Variants in SCAND1 observed in about 807,000 individuals in gnomAD.
SCAND1 encodes the protein SCAN domain containing 1, also known as SCAN domain-containing protein 1.
SCAND1 carries 3 observed loss-of-function variants against 3.4 expected under a neutral mutation model. The ratio of observed to expected loss-of-function variants is 0.87; its 90% CI spans 0.40 to 2.25. The LOEUF is 2.25. Among genes scored for constraint, SCAND1 ranks in the 30% most tolerant of loss-of-function variants. The pLI is 0.05. For missense variants in SCAND1, 303 were observed against 258.8 expected (o/e 1.17, Z -1.17); for synonymous variants, 152 against 120.5 (o/e 1.26, Z -1.72).
At position 35,954,081 on chromosome 20, in the gene SCAND1, G is replaced by A. The variant is rs1037056922; in HGVS notation, c.204C>T (p.Ala68=). The A allele has an allele frequency of 1.0e-5, 16 of 1,536,812 alleles. No homozygotes were observed. The highest frequency in any genetic ancestry group is 2.7e-5 in the African/African-American group (2 of 72,748). ...CGAGAGGCAGCTCCAGGGCCGCGGA[G>A]GCCGCAGCTCGGGGCGTAGGGATGG... ...PEAIPTPRAA[A]SAALELPLGP... is the part of the protein sequence containing the mutation. Residue 68 remains alanine, a synonymous_variant, in exon 2 of 2, where the codon GCC becomes GCT. Transcript: ENST00000305978.
chr20:35,954,063 C>T lies in SCAND1; in HGVS notation c.222G>A (p.Leu74=), dbSNP rs780699331. 7 of 1,539,124 alleles carry T rather than the reference C, an allele frequency of 4.5e-6. No homozygotes were observed. In the African/African-American group the frequency reaches 8.2e-5, roughly 18 times the overall value. ...CGCTCACGGGTGCGGGCCCGAGAGG[C>T]AGCTCCAGGGCCGCGGAGGCCGCAG... ...PRAAASAALE[L]PLGPAPVSVA... The change falls in exon 2 of 2, where the codon CTG becomes CTA. Residue 74 remains leucine (L), a synonymous_variant. Transcript: ENST00000305978.
chr20:35,955,954 C>G (rs2056252489), upstream of SCAND1, among the ~76,000 whole-genome samples: 5 of 152,290 alleles, frequency 3.3e-5, no homozygotes, highest in South Asian at 1.0e-3. Flanking sequence ...CTCTTGACCT[C>G]AGGTGATCCA....
upstream of SCAND1, chr20:35,954,547 C>T (rs1472067595): frequency 8.0e-6 from 12 of 1,499,092 alleles, no homozygotes; most frequent in South Asian, 1.2e-5. Context: ...TGCGGGCTCC[C>T]GGAAGCGGCG....
At chr20:35,958,356 C>T (rs1246411129), upstream of SCAND1, among the ~76,000 whole-genome samples, 5 of 152,204 alleles carry the variant, frequency 3.3e-5, no homozygotes, top group South Asian at 2.1e-4. Context: ...CACTTGAACC[C>T]GGGAGGCAGA....
At position 35,954,314 on chromosome 20, in the gene SCAND1, C is replaced by T; in HGVS notation, c.-30G>A. 1.2e-6 allele frequency: 2 copies of T among 1,613,068 alleles called. No individual in the cohort carries two copies. The highest frequency in any genetic ancestry group is 1.3e-5 in the African/African-American group (1 of 75,032). On this transcript the variant is annotated 5_prime_UTR_variant, in exon 2 of 2. Coordinates refer to ENST00000305978, the MANE Select transcript of SCAND1 (RefSeq NM_033630.3). ...CCAGCTCCGGGCGTCACTCTTTGTC[C>T]GGTAGCTGTGTGCTCAGCACTGCGT...
At chr20:35,958,946 G>C (rs2056283911), upstream of SCAND1, 1 of 152,220 alleles carries the variant, frequency 6.6e-6, no homozygotes, top group Admixed American at 6.5e-5. Flanking sequence ...GTGGTTGCTT[G>C]TATCAATAGT....
At chr20:35,955,549 G>A (rs1199563949), upstream of SCAND1, among the ~76,000 whole-genome samples, 1 of 152,198 alleles carries the variant, frequency 6.6e-6, no homozygotes, top group Non-Finnish European at 1.5e-5. Flanking sequence ...TAAGCCGTTG[G>A]AGAGAAAGGG....
chr20:35,958,673 A>G (rs1460259352), upstream of SCAND1, among the ~76,000 whole-genome samples: 3 of 151,354 alleles, frequency 2.0e-5, no homozygotes, highest in African/African-American at 4.9e-5. Context: ...GGTCTATGCA[A>G]TTTTATCGTG....
In SCAND1 at chr20:35,953,907, G is replaced by A. The variant is rs764452778; in HGVS notation, c.378C>T (p.Phe126=). The change falls in exon 2 of 2, where the codon TTC becomes TTT. Residue 126 remains phenylalanine (F), a synonymous_variant. Transcript: ENST00000305978. Reference sequence around the variant, plus strand: ...GGCGGGACAGCTCCCGCAGCTGCCGGAAAGCCTCCCGGGGACCCGCCGCAT... The same window carrying A: ...GGCGGGACAGCTCCCGCAGCTGCCGAAAAGCCTCCCGGGGACCCGCCGCAT... ...YQDAAGPREA[F]RQLRELSRQW... The A allele has an allele frequency of 1.0e-5, 16 of 1,555,356 alleles. No individual in the cohort carries two copies. In the African/African-American group the frequency reaches 1.1e-4, roughly 11 times the overall value.
At position 35,954,274 on chromosome 20, in the gene SCAND1, G is replaced by A. The variant is rs542379397; in HGVS notation, c.11C>T (p.Thr4Met). 3 of 1,612,388 alleles carry A rather than the reference G, an allele frequency of 1.9e-6. No homozygotes were observed. The highest frequency in any genetic ancestry group is 2.2e-5 in the East Asian group (1 of 44,862). MAATEPILAATGSP... is the reference protein window; with the variant it reads MAAMEPILAATGSP... ...CCCAGTGGCCGCCAAGATCGGCTCCGTAGCCGCCATAACTCCAGCTCCGGG... is the reference window on the plus strand; with the variant it reads ...CCCAGTGGCCGCCAAGATCGGCTCCATAGCCGCCATAACTCCAGCTCCGGG... Residue 4 changes from threonine to methionine, a missense_variant, in exon 2 of 2, where the codon ACG (threonine) becomes ATG (methionine). By Grantham distance (81) the Thr-to-Met change is moderately conservative. Transcript: ENST00000305978.
At chr20:35,955,273 G>C (rs2056242924), upstream of SCAND1, 1 of 152,394 alleles carries the variant, frequency 6.6e-6, no homozygotes, top group African/African-American at 2.4e-5. Context: ...CGAAAAAACT[G>C]ATGTAAAAAT....
Position 35,954,475 on chromosome 20 carries a change from C to G in SCAND1, c.-83G>C. On this transcript the variant is annotated 5_prime_UTR_variant, in exon 1 of 2. Coordinates refer to ENST00000305978, the MANE Select transcript of SCAND1 (RefSeq NM_033630.3). ...GCACCAGCGAAGCGCCTGCGGCAGC[C>G]GGAAGCGAAAGTCTCTGGCTTCTCT... is the stretch of plus-strand genomic sequence containing the variant. 1 of 1,547,072 alleles carries G rather than the reference C, an allele frequency of 6.5e-7. No individual in the cohort carries two copies. The highest frequency in any genetic ancestry group is 8.7e-7 in the Non-Finnish European group (1 of 1,145,568).
upstream of SCAND1, among the ~76,000 whole-genome samples, chr20:35,956,059 A>G (rs752002546): frequency 7.2e-5 from 11 of 152,310 alleles, no homozygotes; most frequent in Non-Finnish European, 1.2e-4. Flanking sequence ...AGAAGGGGAA[A>G]CTGAGGCCCT....
chr20:35,954,596 C>G, upstream of SCAND1: 1 of 1,403,730 alleles, frequency 7.1e-7, no homozygotes, highest in Non-Finnish European at 9.5e-7. Flanking sequence ...CGGCTGCTGC[C>G]CTCGCGGTGC....
At chr20:35,954,416 C>G (rs1461413942) in intron 1 of SCAND1, 32 bp downstream of exon 1, 18 of 1,552,356 alleles carry the variant, frequency 1.2e-5, no homozygotes, top group Non-Finnish European at 1.5e-5. Context: ...GGGAGTCGGA[C>G]TCGGGACCGG....
chr20:35,954,460 A>G lies in SCAND1; in HGVS notation c.-68T>C. The G allele has an allele frequency of 2.6e-6, 4 of 1,548,456 alleles. No individual in the cohort carries two copies. Among genetic ancestry groups the G allele is most frequent in the Non-Finnish European group, 3.5e-6 (4 of 1,146,348 alleles). ...GTGCGGAGCTTACCTGCACCAGCGA[A>G]GCGCCTGCGGCAGCCGGAAGCGAAA... On this transcript the variant is annotated 5_prime_UTR_variant, in exon 1 of 2. Transcript: ENST00000305978.
At chr20:35,954,623 C>T (rs1447464864), upstream of SCAND1, 1 of 1,337,310 alleles carries the variant, frequency 7.5e-7, no homozygotes, top group African/African-American at 1.5e-5. Flanking sequence ...GCGAGCTGCG[C>T]GTGGCCTGGG....
Position 35,954,004 on chromosome 20 carries a change from G to A in SCAND1, c.281C>T (p.Thr94Ile), listed in dbSNP as rs6060714. 9 of 1,548,574 alleles carry A rather than the reference G, an allele frequency of 5.8e-6. No individual in the cohort carries two copies. The African/African-American group carries it at 6.8e-5, about 12-fold the overall frequency. ...GAGTCTAGAGCCGGCGGGGCCTGGT[G>A]TGGAGCGCGCTTCAGCTTCGGCCTG... ...APQAEAEARS[T>I]PGPAGSRLGP... Residue 94 changes from threonine to isoleucine, a missense_variant, in exon 2 of 2, where the codon ACA becomes ATA. Thr to Ile is a moderately conservative substitution (Grantham distance 89, BLOSUM62 -1). Coordinates refer to ENST00000305978, the MANE Select transcript of SCAND1 (RefSeq NM_033630.3).
At position 35,953,789 on chromosome 20, in the gene SCAND1, C is replaced by T. The variant is rs868619945; in HGVS notation, c.496G>A (p.Ala166Thr). ...LLAILPEAAR[A>T]RRIRRRTDVR... ...TCCGTGCGGCGGCGGATCCGCCGGG[C>T]CCGAGCCGCCTCGGGCAGGATGGCG... Residue 166 changes from alanine (A) to threonine (T), a missense_variant, in exon 2 of 2, where the codon GCC becomes ACC. By Grantham distance (58) the Ala-to-Thr change is moderately conservative. Coordinates refer to ENST00000305978, the MANE Select transcript of SCAND1 (RefSeq NM_033630.3). 12 of 1,501,764 alleles carry T rather than the reference C, an allele frequency of 8.0e-6. No individual in the cohort carries two copies. Among genetic ancestry groups the T allele is most frequent in the African/African-American group, 1.4e-5 (1 of 70,822 alleles). The allele number at this position is 1,501,764 out of a possible 1,614,324, so 93.0% of individuals were successfully genotyped here.
Sources: allele counts gnomAD v4.1 joint callset (sites outside exome capture counted in the v4.1 genomes callset), GRCh38; gene constraint gnomAD v4.1.1; transcripts MANE v1.5; gene names NCBI Gene and HGNC (gene_info 2026-07-23, HGNC 2026-07-21).